TRMO: variants seen among roughly 807,000 people sequenced by gnomAD.
The protein encoded by TRMO is tRNA methyltransferase O.
In TRMO, 30 loss-of-function variants were observed where a neutral mutation model predicts 37.2. The ratio of observed to expected loss-of-function variants is 0.81; its 90% CI spans 0.60 to 1.09. TRMO has a LOEUF of 1.09. TRMO is among the 50% of genes least tolerant of loss of function. The pLI, the probability that TRMO is intolerant of heterozygous loss-of-function variation, is 0.00. For synonymous variants in TRMO, 239 were observed against 199.4 expected (o/e 1.20, Z -1.67); for missense variants, 552 against 549.5 (o/e 1.00, Z -0.05).
intron 3 of TRMO, 50 bp downstream of exon 3, chr9:97,913,351 A>C (rs1287691183): frequency 1.2e-6 from 2 of 1,611,848 alleles, no homozygotes; most frequent in East Asian, 4.5e-5. Flanking sequence ...TTATTTTATA[A>C]GGCTTTTTTG....
chr9:97,916,477 T>C (rs1260060034), intron 1 of TRMO, 139 bp from the exon 2 acceptor site: 12 of 619,484 alleles, frequency 1.9e-5, no homozygotes, highest in East Asian at 1.9e-4. Flanking sequence ...TTTTATAGTA[T>C]TCATGAATAC....
At position 97,922,462 on chromosome 9, in the gene TRMO, G is replaced by C. The variant is rs746111324; in HGVS notation, c.32C>G (p.Pro11Arg). Residue 11 changes from proline to arginine, a missense_variant, in exon 1 of 5, where the codon CCT (proline) becomes CGT (arginine). By Grantham distance (103) the Pro-to-Arg change is moderately radical. Coordinates refer to ENST00000375119, the MANE Select transcript of TRMO (RefSeq NM_016481.5). MRGLEESGPRPTATPCGCVKP... is the reference protein window; with the variant it reads MRGLEESGPRRTATPCGCVKP... ...AACGCAGCCGCACGGGGTCGCTGTA[G>C]GCCGAGGCCCCGACTCCTCCAAGCC... 6 of 1,588,364 alleles carry C rather than the reference G, an allele frequency of 3.8e-6. No homozygotes were observed. Among genetic ancestry groups the C allele is most frequent in the Non-Finnish European group, 5.1e-6 (6 of 1,168,554 alleles).
Position 97,904,493 on chromosome 9 carries a change from C to T in TRMO, c.*240G>A, listed in dbSNP as rs1403272914. 4.4e-5 allele frequency: 58 copies of T among 1,312,820 alleles called. No homozygotes were observed. The highest frequency in any genetic ancestry group is 5.1e-5 in the Non-Finnish European group (53 of 1,032,028). The allele number at this position is 1,312,820 out of a possible 1,614,324, so 81.3% of individuals were successfully genotyped here. On this transcript the variant is annotated 3_prime_UTR_variant, in exon 5 of 5. Transcript: ENST00000375119. ...TCAGAAATTATCGAGACAGCATCAC[C>T]TTTTGATTCTTTAATATCAACAGAT...
chr9:97,921,183 T>C (rs776524040), intron 1 of TRMO, among the ~76,000 whole-genome samples: 16 of 152,270 alleles, frequency 1.1e-4, no homozygotes, highest in Admixed American at 2.6e-4. Context: ...TTCAAGAGCT[T>C]TCTTTTAGAA....
intron 1 of TRMO, among the ~76,000 whole-genome samples, chr9:97,916,963 C>G (rs1163848723): frequency 6.6e-6 from 1 of 151,662 alleles, no homozygotes; most frequent in Non-Finnish European, 1.5e-5. Flanking sequence ...CTTGACCTCC[C>G]AAAGTGCTGG....
chr9:97,898,838 CTTTT>C, the TRMO span, among the ~76,000 whole-genome samples: 1 of 89,072 alleles, frequency 1.1e-5, no homozygotes, highest in Admixed American at 1.6e-4. Flanking sequence ...TATATATATA[CTTTT>C]TTTTTTTTTT....
At chr9:97,908,186 G>A (rs148936487) in intron 4 of TRMO, among the ~76,000 whole-genome samples, 3,024 of 152,274 alleles carry the variant, frequency 0.02, 68 homozygotes, top group Middle Eastern at 0.075. Flanking sequence ...GCCAAGGCGG[G>A]GGAATCACAA....
At position 97,904,581 on chromosome 9, in the gene TRMO, G is replaced by A. The variant is rs1179150045; in HGVS notation, c.*152C>T. On this transcript the variant is annotated 3_prime_UTR_variant, in exon 5 of 5. Coordinates refer to ENST00000375119, the MANE Select transcript of TRMO (RefSeq NM_016481.5). ...CTTTGTTAAGTTTATTAATGTATACGTTTTTCAAATAAACATTTTGAACAG... is the reference window on the plus strand; with the variant it reads ...CTTTGTTAAGTTTATTAATGTATACATTTTTCAAATAAACATTTTGAACAG... 11 of 1,480,646 alleles carry A rather than the reference G, an allele frequency of 7.4e-6. No homozygotes were observed. Among genetic ancestry groups the A allele is most frequent in the East Asian group, 4.6e-5 (2 of 43,630 alleles). The allele number at this position is 1,480,646 out of a possible 1,614,324, so 91.7% of individuals were successfully genotyped here. A position where few individuals can be genotyped will look rare whatever the true frequency, so the allele number is the denominator to read the frequency against.
the TRMO span, among the ~76,000 whole-genome samples, chr9:97,898,192 C>G: frequency 6.6e-6 from 1 of 152,204 alleles, no homozygotes; most frequent in Non-Finnish European, 1.5e-5. Context: ...ATTTGCTGTT[C>G]ACAGCCACGT....
At position 97,916,391 on chromosome 9, in the gene TRMO, G is replaced by A; in HGVS notation, c.77-53C>T. ...ATTAGTCAAAAGGTCAAACCAAGTT[G>A]TAAGAAAACATGTTTTCTCTAATGC... On this transcript the variant is annotated intron_variant, in intron 1 of 4. Transcript: ENST00000375119. The A allele has an allele frequency of 1.5e-6, 2 of 1,336,726 alleles. 1 individual carries two copies. Among genetic ancestry groups the A allele is most frequent in the Non-Finnish European group, 2.1e-6 (2 of 958,900 alleles). 82.8% of individuals were successfully genotyped at this position (1,336,726 alleles called of 1,614,324 possible). A position where few individuals can be genotyped will look rare whatever the true frequency, so the allele number is the denominator to read the frequency against.
chr9:97,911,816 T>C (rs923532656), intron 3 of TRMO: 6 of 152,228 alleles, frequency 3.9e-5, no homozygotes, highest in Non-Finnish European at 5.9e-5. Context: ...TCTTGGAAAA[T>C]AGGCCAAATG....
Position 97,910,112 on chromosome 9 carries a change from G to C in TRMO, c.914C>G (p.Thr305Arg). The change falls in exon 4 of 5, where the codon ACA becomes AGA. Residue 305 changes from threonine (T) to arginine (R), a missense_variant. Transcript: ENST00000375119. ...AAVLQGSRAE[T>R]QPMAPHCPAG... Reference sequence around the variant, plus strand: ...AGGGCAGTGAGGGGCCATGGGCTGTGTCTCTGCCCTGCTTCCTTGCAAGAC... The same window carrying C: ...AGGGCAGTGAGGGGCCATGGGCTGTCTCTCTGCCCTGCTTCCTTGCAAGAC... The C allele has an allele frequency of 1.2e-6, 2 of 1,614,164 alleles. No individual in the cohort carries two copies. Among genetic ancestry groups the C allele is most frequent in the Non-Finnish European group, 1.7e-6 (2 of 1,180,000 alleles).
rs907946100 is a variant in TRMO at position 97,919,201 on chromosome 9, G to A, written c.77-2863C>T. On this transcript the variant is annotated intron_variant, in intron 1 of 4. Coordinates refer to ENST00000375119, the MANE Select transcript of TRMO (RefSeq NM_016481.5). ...AAAAATGAAGAAACTGAGGCCAAAC[G>A]ACCTGGCATATCTTCTTTATGTCTG... 3.3e-5 allele frequency among the ~76,000 whole-genome samples: 5 copies of A among 151,998 alleles called. No individual in the cohort carries two copies. In the South Asian group the frequency reaches 8.3e-4, roughly 25 times the overall value.
downstream of TRMO, among the ~76,000 whole-genome samples, chr9:97,899,570 A>G (rs755281123): frequency 1.3e-5 from 2 of 151,884 alleles, no homozygotes; most frequent in Non-Finnish European, 2.9e-5. Flanking sequence ...TCTTGAGCCC[A>G]GCCTAAAAAA....
chr9:97,912,091 A>C (rs948927651), intron 3 of TRMO: 1 of 152,338 alleles, frequency 6.6e-6, no homozygotes, highest in South Asian at 2.1e-4. Flanking sequence ...TCTAATCTTA[A>C]AGAGCCCTAG....
intron 4 of TRMO, among the ~76,000 whole-genome samples, chr9:97,906,951 G>C (rs1030346982): frequency 6.6e-6 from 1 of 152,170 alleles, no homozygotes; most frequent in Non-Finnish European, 1.5e-5. Context: ...AGCATAAAGT[G>C]TCTAGAAGGC....
At chr9:97,905,142 A>T in intron 4 of TRMO, 150 bp from the exon 5 acceptor site, 2 of 872,978 alleles carry the variant, frequency 2.3e-6, no homozygotes, top group South Asian at 1.7e-5. Context: ...GGAGACTGTC[A>T]CCGTCAAGAG....
chr9:97,912,283 T>C (rs3780416), intron 3 of TRMO: 34,050 of 152,596 alleles, frequency 0.22, 4,038 homozygotes, highest in Non-Finnish European at 0.26. Flanking sequence ...GACTTGACCT[T>C]CCCAATTGAA....
the TRMO span, among the ~76,000 whole-genome samples, chr9:97,898,458 C>T: frequency 6.6e-6 from 1 of 152,078 alleles, no homozygotes; most frequent in Non-Finnish European, 1.5e-5. Context: ...CAGCCCCCCA[C>T]CCCACTGAGT....
Sources: gnomAD v4.1 joint callset for allele counts (sites outside exome capture counted in the v4.1 genomes callset) on GRCh38, gnomAD v4.1.1 for gene constraint, MANE v1.5 for transcripts, NCBI Gene and HGNC (gene_info 2026-07-23, HGNC 2026-07-21) for gene names.